TRHDE: variants seen among roughly 807,000 people sequenced by gnomAD.
TRHDE encodes the protein thyrotropin-releasing hormone-degrading ectoenzyme.
TRHDE carries 72 observed loss-of-function variants against 125.7 expected under a neutral mutation model. The ratio of observed to expected loss-of-function variants is 0.57; its 90% confidence interval spans 0.47 to 0.70. The LOEUF is 0.70. Among genes scored for constraint, TRHDE ranks in the 30% least tolerant of loss-of-function variants. The probability of loss-of-function intolerance (pLI) is 0.00; values close to 1 mark genes in which losing one functional copy is unlikely to be tolerated. For synonymous variants in TRHDE, 509 were observed against 509.1 expected (o/e 1.00, Z 0.00); for missense variants, 1,110 against 1,327.1 (o/e 0.84, Z 2.54).
chr12:72,314,339 T>C (rs903460081), intron 2 of TRHDE, among the ~76,000 whole-genome samples: 4 of 139,716 alleles, frequency 2.9e-5, no homozygotes, highest in Non-Finnish European at 6.2e-5. Flanking sequence ...CTCCCTCCCT[T>C]CCTTCCTTCT....
At chr12:72,516,509 T>G (rs1349374924) in intron 6 of TRHDE, among the ~76,000 whole-genome samples, 2 of 152,204 alleles carry the variant, frequency 1.3e-5, no homozygotes, top group African/African-American at 4.8e-5. Context: ...CCTGAGACTT[T>G]GCTGAAGTTG....
intron 2 of TRHDE, among the ~76,000 whole-genome samples, chr12:72,335,107 G>A (rs1486699456): frequency 6.6e-6 from 1 of 151,860 alleles, no homozygotes; most frequent in Non-Finnish European, 1.5e-5. Flanking sequence ...CTGTGTCAAG[G>A]GTGACTATGC....
At chr12:72,100,454 A>G (rs1875039848) in intron 1 of TRHDE, among the ~76,000 whole-genome samples, 1 of 152,184 alleles carries the variant, frequency 6.6e-6, no homozygotes, top group Admixed American at 6.5e-5. Context: ...TGTCTAGTTT[A>G]AGCTTTTGTT....
chr12:72,377,564 T>C (rs935400261), intron 2 of TRHDE, among the ~76,000 whole-genome samples: 2 of 152,150 alleles, frequency 1.3e-5, no homozygotes, highest in Non-Finnish European at 2.9e-5. Context: ...CTCAGTCTGG[T>C]AATACTTCGG....
chr12:72,372,965 A>G (rs919427057), intron 2 of TRHDE, among the ~76,000 whole-genome samples: 12 of 152,192 alleles, frequency 7.9e-5, no homozygotes, highest in African/African-American at 2.4e-4. Context: ...CATTGAATCT[A>G]TAAATTACCT....
intron 6 of TRHDE, among the ~76,000 whole-genome samples, chr12:72,525,579 C>A (rs2135967635): frequency 6.8e-6 from 1 of 147,600 alleles, no homozygotes; most frequent in East Asian, 2.0e-4. Context: ...CTATACTAGA[C>A]TTCTCATGTT....
intron 3 of TRHDE, among the ~76,000 whole-genome samples, chr12:72,437,816 C>A (rs1874812612): frequency 3.3e-5 from 5 of 151,594 alleles, no homozygotes; most frequent in Admixed American, 2.6e-4. Flanking sequence ...TAGCATTTTT[C>A]AAGAATACAA....
chr12:72,182,801 T>C (rs1025591111), intron 2 of TRHDE, among the ~76,000 whole-genome samples: 1 of 152,052 alleles, frequency 6.6e-6, no homozygotes, highest in Non-Finnish European at 1.5e-5. Flanking sequence ...AGGAAGAGGG[T>C]AAAGAGAAGA....
At chr12:72,117,396 A>G (rs1875471282) in intron 2 of TRHDE, among the ~76,000 whole-genome samples, 1 of 151,764 alleles carries the variant, frequency 6.6e-6, no homozygotes, top group African/African-American at 2.4e-5. Flanking sequence ...TAGATGTTTG[A>G]ATTTATTTCT....
intron 3 of TRHDE, among the ~76,000 whole-genome samples, chr12:72,463,164 C>T (rs1312910854): frequency 6.6e-6 from 1 of 152,170 alleles, no homozygotes; most frequent in African/African-American, 2.4e-5. Context: ...AGGGGCTCAG[C>T]AGCAGGTCTG....
At chr12:72,187,032 C>A (rs1030091980) in intron 2 of TRHDE, among the ~76,000 whole-genome samples, 1 of 151,922 alleles carries the variant, frequency 6.6e-6, no homozygotes, top group Non-Finnish European at 1.5e-5. Context: ...TGTACTCTTA[C>A]CAATATTTAT....
chr12:72,106,591 T>A (rs1447384455), intron 2 of TRHDE, among the ~76,000 whole-genome samples: 1 of 152,146 alleles, frequency 6.6e-6, no homozygotes, highest in Non-Finnish European at 1.5e-5. Context: ...ATAACTTTTG[T>A]AATATTGATC....
intron 5 of TRHDE, among the ~76,000 whole-genome samples, chr12:72,478,034 A>G (rs1565757884): frequency 6.6e-6 from 1 of 152,190 alleles, no homozygotes; most frequent in Non-Finnish European, 1.5e-5. Flanking sequence ...CAGACTGGAA[A>G]TTTTCTCTTA....
Position 72,547,294 on chromosome 12 carries a change from A to T in TRHDE, c.1788+4938A>T, listed in dbSNP as rs1328478518. Among the ~76,000 whole-genome samples, 4 of 151,724 alleles carry T rather than the reference A, an allele frequency of 2.6e-5. No individual in the cohort carries two copies. In the East Asian group the frequency reaches 7.7e-4, roughly 29 times the overall value. On this transcript the variant is annotated intron_variant, in intron 7 of 18. Transcript: ENST00000261180. ...CTGATTTCAACAATTTTACCAGGAC[A>T]TATGATGAGAGATATAAGGAAATCA...
chr12:72,636,634 A>G (rs1484265511), intron 15 of TRHDE, among the ~76,000 whole-genome samples: 4 of 152,170 alleles, frequency 2.6e-5, no homozygotes, highest in East Asian at 1.9e-4. Context: ...GATATTGGCT[A>G]TGGGTCTGTC....
chr12:72,199,579 C>T (rs183565738), intron 2 of TRHDE, among the ~76,000 whole-genome samples: 2 of 152,134 alleles, frequency 1.3e-5, no homozygotes, highest in East Asian at 1.9e-4. Flanking sequence ...CTGTAGATGC[C>T]GAGTAATATT....
At chr12:72,294,212 G>A (rs1880201358) in intron 2 of TRHDE, among the ~76,000 whole-genome samples, 1 of 152,200 alleles carries the variant, frequency 6.6e-6, no homozygotes, top group Non-Finnish European at 1.5e-5. Flanking sequence ...CCCTGTTTGT[G>A]CGACAGTTCT....
chr12:72,346,381 ATGG>A (rs777377088), intron 2 of TRHDE, among the ~76,000 whole-genome samples: 1 of 151,996 alleles, frequency 6.6e-6, no homozygotes, highest in Non-Finnish European at 1.5e-5. Flanking sequence ...TCCAGCCAAG[ATGG>A]TGGAAATGCA....
chr12:72,394,133 C>A (rs1268295396), intron 3 of TRHDE, among the ~76,000 whole-genome samples: 1 of 152,176 alleles, frequency 6.6e-6, no homozygotes, highest in Non-Finnish European at 1.5e-5. Context: ...ATCAGGCTTA[C>A]TTTATCATGC....
Sources: allele counts gnomAD v4.1 joint callset (sites outside exome capture counted in the v4.1 genomes callset), GRCh38; gene constraint gnomAD v4.1.1; transcripts MANE v1.5; gene names NCBI Gene and HGNC (gene_info 2026-07-23, HGNC 2026-07-21).